The following MTHFS variants were observed in gnomAD, a reference collection of about 807,000 sequenced individuals.
MTHFS encodes the protein 5-formyltetrahydrofolate cyclo-ligase.
Under a neutral mutation model 12.7 loss-of-function variants are expected in MTHFS, and 7 were observed. That is an observed-to-expected ratio of 0.55 (90% CI 0.31 to 1.03). The LOEUF (loss-of-function observed/expected upper bound fraction) is 1.03, where lower values mean the gene tolerates loss of function less well. Among genes scored for constraint, MTHFS ranks in the 50% least tolerant of loss-of-function variants. The probability of loss-of-function intolerance (pLI) is 0.05; values close to 1 mark genes in which losing one functional copy is unlikely to be tolerated. For missense variants in MTHFS, 252 were observed against 258.1 expected (o/e 0.98, Z 0.16); for synonymous variants, 100 against 97.1 (o/e 1.03, Z -0.18).
At chr15:79,885,656 G>A (rs1268979313) in intron 2 of MTHFS, among the ~76,000 whole-genome samples, 6 of 152,202 alleles carry the variant, frequency 3.9e-5, no homozygotes, top group African/African-American at 1.4e-4. Context: ...CATATCTCTG[G>A]CCATAGTGAT....
intron 2 of MTHFS, among the ~76,000 whole-genome samples, chr15:79,882,632 G>A (rs2034315048): frequency 6.6e-6 from 1 of 152,204 alleles, no homozygotes; most frequent in South Asian, 2.1e-4. Flanking sequence ...CAAGAGCCAA[G>A]GGGCACATAG....
Position 79,889,317 on chromosome 15 carries a change from A to G in MTHFS, c.155T>C (p.Ile52Thr). 1 of 1,614,122 alleles carries G rather than the reference A, an allele frequency of 6.2e-7. No individual in the cohort carries two copies. ...AHSEYQKSKRISIFLSMQDEI... is the reference protein window; with the variant it reads ...AHSEYQKSKRTSIFLSMQDEI... Reference sequence around the variant, plus strand: ...ATCTTGCATGCTCAGAAAGATGGAAATTCTTTTGGACTTTTGATACTCACT... The same window carrying G: ...ATCTTGCATGCTCAGAAAGATGGAAGTTCTTTTGGACTTTTGATACTCACT... The change falls in exon 2 of 3, where the codon ATT (isoleucine) becomes ACT (threonine). Residue 52 changes from isoleucine (I) to threonine (T), a missense_variant. Coordinates refer to ENST00000258874, the MANE Select transcript of MTHFS (RefSeq NM_006441.4).
chr15:79,870,734 A>G (rs2034087354), intron 2 of MTHFS, among the ~76,000 whole-genome samples: 1 of 152,046 alleles, frequency 6.6e-6, no homozygotes, highest in African/African-American at 2.4e-5. Context: ...TCTATACTCT[A>G]TAATATAGTA....
chr15:79,869,865 A>G (rs773107029), intron 2 of MTHFS, among the ~76,000 whole-genome samples: 13 of 152,224 alleles, frequency 8.5e-5, no homozygotes, highest in Non-Finnish European at 1.6e-4. Context: ...ATAAACCCAA[A>G]TGATTTTGAA....
intron 2 of MTHFS, among the ~76,000 whole-genome samples, chr15:79,882,033 C>A (rs145173887): frequency 6.6e-5 from 10 of 152,310 alleles, no homozygotes; most frequent in African/African-American, 2.4e-4. Context: ...ATGGCATGTG[C>A]GATGTGCAAA....
Position 79,874,472 on chromosome 15 carries a change from T to C in MTHFS, c.379+14621A>G, listed in dbSNP as rs529343881. ...CTCCATCCCAGAAAACTGTCACTAA[T>C]TAATTTGTCTGGCAGTTCCCTGAAA... On this transcript the variant is annotated intron_variant, in intron 2 of 2. Transcript: ENST00000258874. 3.9e-5 allele frequency among the ~76,000 whole-genome samples: 6 copies of C among 152,266 alleles called. 1 individual carries two copies. Among genetic ancestry groups the C allele is most frequent in the African/African-American group, 1.4e-4 (6 of 41,540 alleles).
At chr15:79,874,686 G>A (rs948281210) in intron 2 of MTHFS, among the ~76,000 whole-genome samples, 1 of 152,138 alleles carries the variant, frequency 6.6e-6, no homozygotes, top group Non-Finnish European at 1.5e-5. Context: ...AACTGGGGAA[G>A]AAGATGTCCT....
At chr15:79,845,558 GT>G in intron 2 of MTHFS, 116 bp from the exon 3 acceptor site, 1 of 1,367,792 alleles carries the variant, frequency 7.3e-7, no homozygotes, top group Non-Finnish European at 9.8e-7. Flanking sequence ...AAAACAATGT[GT>G]GACCATTAAT....
chr15:79,862,658 AAATT>A (rs1405947496), intron 2 of MTHFS, among the ~76,000 whole-genome samples: 1 of 152,216 alleles, frequency 6.6e-6, no homozygotes, highest in African/African-American at 2.4e-5. Flanking sequence ...TAATTCTAGC[AAATT>A]AATATCCATT....
rs1005158481 is a variant in MTHFS, at chr15:79,887,970, G to A, written c.379+1123C>T. Among the ~76,000 whole-genome samples the A allele has an allele frequency of 4.6e-5, 7 of 152,158 alleles. No homozygotes were observed. The South Asian group carries it at 1.2e-3, about 27-fold the overall frequency. On this transcript the variant is annotated intron_variant, in intron 2 of 2. Coordinates refer to ENST00000258874, the MANE Select transcript of MTHFS (RefSeq NM_006441.4). ...TGACTCCATCATACTGACTTTATAG[G>A]CTATGGTGTTATATTGGAAGGGGCA...
At chr15:79,888,670 G>A (rs544761290) in intron 2 of MTHFS, among the ~76,000 whole-genome samples, 1 of 152,352 alleles carries the variant, frequency 6.6e-6, no homozygotes, top group African/African-American at 2.4e-5. Context: ...AGTCAAGGAT[G>A]ACCTGGAGAT....
chr15:79,849,203 G>A lies in MTHFS; in HGVS notation c.380-3761C>T, dbSNP rs993883714. Reference sequence around the variant, plus strand: ...TGTTCCTGCTGCTCCCTTCAACCACGGGGATCACAGGTTGCTCCTGGCCTC... The same window carrying A: ...TGTTCCTGCTGCTCCCTTCAACCACAGGGATCACAGGTTGCTCCTGGCCTC... On this transcript the variant is annotated intron_variant, in intron 2 of 2. Coordinates refer to ENST00000258874, the MANE Select transcript of MTHFS (RefSeq NM_006441.4). 1.2e-4 allele frequency among the ~76,000 whole-genome samples: 18 copies of A among 152,188 alleles called. 1 individual carries two copies. Among genetic ancestry groups the A allele is most frequent in the African/African-American group, 2.9e-4 (12 of 41,532 alleles).
At chr15:79,856,209 T>C (rs964002561) in intron 2 of MTHFS, among the ~76,000 whole-genome samples, 4 of 152,208 alleles carry the variant, frequency 2.6e-5, no homozygotes, top group African/African-American at 9.6e-5. Context: ...CAATAGCCAT[T>C]CTGACTGGTA....
At chr15:79,895,412 A>G (rs551149699) in intron 1 of MTHFS, among the ~76,000 whole-genome samples, 15 of 152,330 alleles carry the variant, frequency 9.8e-5, no homozygotes, top group African/African-American at 2.9e-4. Context: ...TCTGGCTTCA[A>G]TGCAATTCTT....
chr15:79,893,770 G>C (rs942928889), intron 1 of MTHFS, among the ~76,000 whole-genome samples: 1 of 150,760 alleles, frequency 6.6e-6, no homozygotes, highest in African/African-American at 2.4e-5. Context: ...CAATATAAAT[G>C]TCAGAAACTG....
At chr15:79,888,535 T>C (rs546766556) in intron 2 of MTHFS, among the ~76,000 whole-genome samples, 5 of 152,286 alleles carry the variant, frequency 3.3e-5, no homozygotes, top group Admixed American at 2.0e-4. Flanking sequence ...CAAGAGGAGA[T>C]GTCAGCTTAG....
intron 2 of MTHFS, among the ~76,000 whole-genome samples, chr15:79,888,344 G>A (rs2034415169): frequency 6.6e-6 from 1 of 152,112 alleles, no homozygotes. Context: ...CGTTAAGGAG[G>A]GTTTACTTCA....
At chr15:79,892,315 G>A (rs2733088) in intron 1 of MTHFS, among the ~76,000 whole-genome samples, 57,388 of 152,034 alleles carry the variant, frequency 0.38, 11,243 homozygotes, top group East Asian at 0.46. Context: ...CAGACCAGAA[G>A]AAGCAAGGGG....
At chr15:79,894,326 A>T (rs967366253) in intron 1 of MTHFS, among the ~76,000 whole-genome samples, 1 of 152,206 alleles carries the variant, frequency 6.6e-6, no homozygotes, top group African/African-American at 2.4e-5. Context: ...GGTTGCAGTG[A>T]GCCGAGATCA....
Sources: allele counts gnomAD v4.1 joint callset (sites outside exome capture counted in the v4.1 genomes callset), GRCh38; gene constraint gnomAD v4.1.1; transcripts MANE v1.5; gene names NCBI Gene and HGNC (gene_info 2026-07-23, HGNC 2026-07-21).